Variants in MYRIP observed in about 807,000 individuals in gnomAD.
MYRIP encodes rab effector MyRIP.
In MYRIP, 49 loss-of-function variants were observed where a neutral mutation model predicts 98.0. That is an observed-to-expected ratio of 0.50 (90% CI 0.40 to 0.63). The LOEUF is 0.63. MYRIP is among the 30% of genes least tolerant of loss of function. The probability of loss-of-function intolerance (pLI) is 0.00; values close to 1 mark genes in which losing one functional copy is unlikely to be tolerated. For synonymous variants in MYRIP, 404 were observed against 409.5 expected, an observed-to-expected ratio of 0.99 and a Z score of 0.16; for missense variants, 1,004 against 1,058.2, an observed-to-expected ratio of 0.95 and a Z score of 0.71.
At chr3:39,830,325 C>T (rs1941402911) in intron 1 of MYRIP, among the ~76,000 whole-genome samples, 1 of 152,300 alleles carries the variant, frequency 6.6e-6, no homozygotes, top group African/African-American at 2.4e-5. Flanking sequence ...TGGAGAAGAA[C>T]TTACAGTTAA....
intron 4 of MYRIP, among the ~76,000 whole-genome samples, chr3:40,153,035 C>T (rs1222684512): frequency 6.6e-6 from 1 of 151,808 alleles, no homozygotes; most frequent in East Asian, 1.9e-4. Context: ...GGGAAGATCA[C>T]TTGAGCCCAG....
chr3:39,965,465 G>A (rs181229079), intron 2 of MYRIP, among the ~76,000 whole-genome samples: 1 of 152,092 alleles, frequency 6.6e-6, no homozygotes. Flanking sequence ...CTTAATTATA[G>A]CAATTAAGAA....
intron 2 of MYRIP, among the ~76,000 whole-genome samples, chr3:39,994,690 A>G (rs936725461): frequency 6.6e-6 from 1 of 152,142 alleles, no homozygotes; most frequent in Non-Finnish European, 1.5e-5. Context: ...GAAGAGAATA[A>G]TGGTTCTCCC....
chr3:39,872,106 A>G (rs1311732605), intron 1 of MYRIP, among the ~76,000 whole-genome samples: 2 of 152,016 alleles, frequency 1.3e-5, no homozygotes, highest in Admixed American at 1.3e-4. Flanking sequence ...TTATTTTTAG[A>G]AATCATATTA....
chr3:39,932,350 T>C (rs1411059672), intron 2 of MYRIP, among the ~76,000 whole-genome samples: 1 of 151,592 alleles, frequency 6.6e-6, no homozygotes. Flanking sequence ...CAGTCAGTCC[T>C]GCACCCACAA....
At chr3:40,142,863 C>T (rs979196582) in intron 3 of MYRIP, among the ~76,000 whole-genome samples, 9 of 152,232 alleles carry the variant, frequency 5.9e-5, no homozygotes, top group Non-Finnish European at 1.3e-4. Flanking sequence ...ACCAGGAGAG[C>T]ATCTCTCTTT....
chr3:39,862,119 C>A (rs138564545), intron 1 of MYRIP, among the ~76,000 whole-genome samples: 6 of 152,232 alleles, frequency 3.9e-5, no homozygotes, highest in African/African-American at 9.6e-5. Flanking sequence ...ACAAAGGGAA[C>A]CCCATCAGGC....
At chr3:40,076,364 A>G (rs1427334760) in intron 3 of MYRIP, among the ~76,000 whole-genome samples, 1 of 152,234 alleles carries the variant, frequency 6.6e-6, no homozygotes, top group Non-Finnish European at 1.5e-5. Context: ...GCCATCCCCT[A>G]GGGGCAATAG....
At chr3:40,234,522 G>T (rs767951695) in intron 12 of MYRIP, among the ~76,000 whole-genome samples, 1 of 151,832 alleles carries the variant, frequency 6.6e-6, no homozygotes, top group Non-Finnish European at 1.5e-5. Context: ...GATATGGGCT[G>T]CTGGGAATAG....
chr3:40,177,345 C>T (rs1950788846), intron 8 of MYRIP, among the ~76,000 whole-genome samples: 2 of 152,298 alleles, frequency 1.3e-5, no homozygotes, highest in South Asian at 4.2e-4. Flanking sequence ...AGGATGGTAT[C>T]ATTATATCCT....
At chr3:40,029,888 C>T (rs1372040456) in intron 2 of MYRIP, among the ~76,000 whole-genome samples, 2 of 151,788 alleles carry the variant, frequency 1.3e-5, no homozygotes, top group African/African-American at 2.4e-5. Flanking sequence ...AGCAAGACCC[C>T]GTCTCTACAA....
At chr3:39,862,948 C>A (rs749959108) in intron 1 of MYRIP, among the ~76,000 whole-genome samples, 5 of 152,138 alleles carry the variant, frequency 3.3e-5, no homozygotes, top group Middle Eastern at 3.2e-3. Flanking sequence ...CAATCATATT[C>A]TTGGACCACA....
At chr3:39,865,400 T>C (rs983772838) in intron 1 of MYRIP, among the ~76,000 whole-genome samples, 11 of 151,970 alleles carry the variant, frequency 7.2e-5, no homozygotes, top group Non-Finnish European at 1.3e-4. Context: ...ACCCACAGAA[T>C]GGAAAAAAAA....
chr3:40,196,516 TG>T (rs1275093092), intron 10 of MYRIP, among the ~76,000 whole-genome samples: 4 of 152,234 alleles, frequency 2.6e-5, no homozygotes, highest in Non-Finnish European at 4.4e-5. Context: ...TTTTGCATTT[TG>T]TTTTGGTTTT....
At chr3:40,216,538 A>AT (rs1403962599) in intron 11 of MYRIP, among the ~76,000 whole-genome samples, 1 of 152,206 alleles carries the variant, frequency 6.6e-6, no homozygotes, top group Non-Finnish European at 1.5e-5. Flanking sequence ...ATTCCACAAC[A>AT]TTAAGAGATT....
At chr3:39,891,732 C>G (rs1261054479) in intron 1 of MYRIP, among the ~76,000 whole-genome samples, 1 of 152,048 alleles carries the variant, frequency 6.6e-6, no homozygotes, top group African/African-American at 2.4e-5. Context: ...TTGCATTTTA[C>G]TAATTCAGGG....
chr3:40,195,248 G>T (rs1479451439), intron 10 of MYRIP, among the ~76,000 whole-genome samples: 4 of 152,118 alleles, frequency 2.6e-5, no homozygotes, highest in African/African-American at 4.8e-5. Context: ...GAACGTGACT[G>T]CTTTTTGGCA....
chr3:40,238,895 T>TTTTTTA (rs1289624111), intron 12 of MYRIP, among the ~76,000 whole-genome samples: 3 of 152,266 alleles, frequency 2.0e-5, no homozygotes, highest in East Asian at 1.9e-4. Context: ...GCATGGGTAT[T>TTTTTTA]TTTTTATTTT....
chr3:40,077,943 C>T (rs534919510), intron 3 of MYRIP, among the ~76,000 whole-genome samples: 5 of 152,248 alleles, frequency 3.3e-5, no homozygotes, highest in South Asian at 4.1e-4. Flanking sequence ...CTCAGCCCTT[C>T]GGTGGTTGAT....
Sources: allele counts gnomAD v4.1 joint callset (sites outside exome capture counted in the v4.1 genomes callset), GRCh38; gene constraint gnomAD v4.1.1; transcripts MANE v1.5; gene names NCBI Gene and HGNC (gene_info 2026-07-23, HGNC 2026-07-21).